Variants in PARD3 observed in about 807,000 individuals in gnomAD.
PARD3 encodes the protein partitioning defective 3 homolog.
Under a neutral mutation model 155.4 loss-of-function variants are expected in PARD3, and 75 were observed. The observed-to-expected ratio is 0.48, with a 90% CI of 0.40 to 0.58. PARD3 has a LOEUF of 0.58. Ranked by LOEUF, PARD3 falls within the 20% of genes least tolerant of loss-of-function variation. The probability of loss-of-function intolerance (pLI) is 0.00; values close to 1 mark genes in which losing one functional copy is unlikely to be tolerated. For missense variants in PARD3, 1,642 were observed against 1,721.7 expected (o/e 0.95, Z 0.82); for synonymous variants, 576 against 610.5 (o/e 0.94, Z 0.83).
Position 34,661,191 on chromosome 10 carries a change from A to T in PARD3, c.222+35127T>A, listed in dbSNP as rs192485926. 3.1e-3 allele frequency among the ~76,000 whole-genome samples: 465 copies of T among 152,246 alleles called. 3 individuals carry two copies. The highest frequency in any genetic ancestry group is 0.014 in the Middle Eastern group (4 of 294). On this transcript the variant is annotated intron_variant, in intron 2 of 24. Coordinates refer to ENST00000374788, the MANE Select transcript of PARD3 (RefSeq NM_001184785.2). ...AGCATCATGGGAATCTCAGTTTTTTAAAAAAGTCATTTTTAATTGAAGCTA... is the reference window on the plus strand; with the variant it reads ...AGCATCATGGGAATCTCAGTTTTTTTAAAAAGTCATTTTTAATTGAAGCTA...
rs368778036 is a variant in PARD3 at position 34,351,740 on chromosome 10, C to G, written c.2068-3625G>C. ...TTTTATTGTACACTACTTCCCAACG[C>G]AACTGGGATATAAAGTGCCTGAACA... On this transcript the variant is annotated intron_variant, in intron 14 of 24. Transcript: ENST00000374788. 1.8e-4 allele frequency among the ~76,000 whole-genome samples: 27 copies of G among 152,350 alleles called. No individual in the cohort carries two copies. The East Asian group carries it at 5.2e-3, about 29-fold the overall frequency.
chr10:34,112,551 A>G (rs751371064), intron 24 of PARD3, among the ~76,000 whole-genome samples: 6 of 152,218 alleles, frequency 3.9e-5, no homozygotes, highest in Admixed American at 6.5e-5. Context: ...ATTGAGTAAT[A>G]AAACAAAGTA....
chr10:34,623,816 C>T (rs1409628814), intron 2 of PARD3, among the ~76,000 whole-genome samples: 1 of 149,752 alleles, frequency 6.7e-6, no homozygotes, highest in Non-Finnish European at 1.5e-5. Context: ...CCTGACTCTA[C>T]TAAAAATACA....
chr10:34,292,294 T>C (rs1389386525), intron 20 of PARD3, among the ~76,000 whole-genome samples: 1 of 152,232 alleles, frequency 6.6e-6, no homozygotes, highest in Non-Finnish European at 1.5e-5. Context: ...AGAAAATAAG[T>C]CACTTCTAAT....
At chr10:34,327,521 C>T (rs143486081) in intron 19 of PARD3, among the ~76,000 whole-genome samples, 16 of 152,312 alleles carry the variant, frequency 1.1e-4, no homozygotes, top group African/African-American at 3.6e-4. Flanking sequence ...CTCGACCCAA[C>T]TGACAAAAGC....
chr10:34,768,936 G>A (rs576238656), intron 1 of PARD3, among the ~76,000 whole-genome samples: 42 of 152,278 alleles, frequency 2.8e-4, no homozygotes, highest in African/African-American at 8.4e-4. Context: ...CGTCACCCTC[G>A]GTGCCCAAAC....
intron 1 of PARD3, among the ~76,000 whole-genome samples, chr10:34,748,298 T>C (rs1835559661): frequency 6.6e-6 from 1 of 151,918 alleles, no homozygotes. Flanking sequence ...GGCAAAACCC[T>C]GTCTCTACTA....
intron 2 of PARD3, among the ~76,000 whole-genome samples, chr10:34,577,574 T>A (rs1438440567): frequency 6.6e-6 from 1 of 152,174 alleles, no homozygotes; most frequent in Non-Finnish European, 1.5e-5. Flanking sequence ...CGATAATGTG[T>A]CTCTGTTCAC....
chr10:34,283,638 G>T (rs1211661437), intron 21 of PARD3, among the ~76,000 whole-genome samples: 1 of 151,856 alleles, frequency 6.6e-6, no homozygotes. Context: ...TAAAATAGAA[G>T]GAGAATCAAG....
chr10:34,113,692 C>T (rs967190602), intron 24 of PARD3, among the ~76,000 whole-genome samples: 9 of 152,042 alleles, frequency 5.9e-5, no homozygotes, highest in Non-Finnish European at 1.0e-4. Context: ...TCCAGCTGGG[C>T]AAGGTGGGAG....
chr10:34,630,699 C>G (rs544643670), intron 2 of PARD3, among the ~76,000 whole-genome samples: 2 of 152,260 alleles, frequency 1.3e-5, no homozygotes, highest in South Asian at 4.1e-4. Context: ...CCACCTTGGC[C>G]TCCCAAAGTG....
chr10:34,467,950 A>G (rs2078113266), intron 4 of PARD3, among the ~76,000 whole-genome samples: 1 of 152,126 alleles, frequency 6.6e-6, no homozygotes, highest in Non-Finnish European at 1.5e-5. Flanking sequence ...ATTCAGTAGC[A>G]TGAGATTTTA....
intron 2 of PARD3, among the ~76,000 whole-genome samples, chr10:34,523,525 A>G (rs2082284116): frequency 6.6e-6 from 1 of 152,250 alleles, no homozygotes; most frequent in African/African-American, 2.4e-5. Flanking sequence ...AGATGCCTCC[A>G]TGACCCTCTC....
intron 22 of PARD3, among the ~76,000 whole-genome samples, chr10:34,219,902 G>A (rs534673099): frequency 1.3e-5 from 2 of 152,236 alleles, no homozygotes; most frequent in South Asian, 2.1e-4. Context: ...AAGGCTAGGC[G>A]ACCTCAAATG....
chr10:34,705,627 T>C (rs111599725), intron 1 of PARD3, among the ~76,000 whole-genome samples: 3,569 of 152,304 alleles, frequency 0.023, 153 homozygotes, highest in African/African-American at 0.082. Flanking sequence ...GACAGTCAGA[T>C]GTCATAGCTG....
chr10:34,815,032 G>C lies in PARD3; in HGVS notation c.-37C>G. 2 of 1,358,510 alleles carry C rather than the reference G, an allele frequency of 1.5e-6. No homozygotes were observed. The highest frequency in any genetic ancestry group is 1.9e-6 in the Non-Finnish European group (2 of 1,049,068). 84.2% of individuals were successfully genotyped at this position (1,358,510 alleles called of 1,614,324 possible). A position where few individuals can be genotyped will look rare whatever the true frequency, so the allele number is the denominator to read the frequency against. ...CGCGGGCGGGCCCGCGCCCCTCGCC[G>C]AGCGCAGCCGGAGCAGCCGAGGCCG... On this transcript the variant is annotated 5_prime_UTR_variant, in exon 1 of 25. Transcript: ENST00000374788.
intron 2 of PARD3, among the ~76,000 whole-genome samples, chr10:34,626,895 A>G (rs533349623): frequency 2.0e-5 from 3 of 152,344 alleles, no homozygotes; most frequent in Admixed American, 6.5e-5. Flanking sequence ...GCATAAGCCC[A>G]GGCGATCGTG....
chr10:34,518,988 T>A (rs150859437), intron 2 of PARD3, among the ~76,000 whole-genome samples: 1 of 152,192 alleles, frequency 6.6e-6, no homozygotes, highest in African/African-American at 2.4e-5. Flanking sequence ...GGGAAGTATA[T>A]AACATTACTT....
Position 34,123,294 on chromosome 10 carries a change from A to ATT in PARD3, c.3541-3556_3541-3555dup, listed in dbSNP as rs11409737. On this transcript the variant is annotated intron_variant, in intron 23 of 24. Coordinates refer to ENST00000374788, the MANE Select transcript of PARD3 (RefSeq NM_001184785.2). ...TTAAAACCACAAGTGAAAAATATGT[A>ATT]TTTTTTTTTGTAAGTGGACTACAAA... Among the ~76,000 whole-genome samples the ATT allele has an allele frequency of 5.0e-3, 760 of 151,594 alleles. 6 individuals are homozygous for ATT. The highest frequency in any genetic ancestry group is 0.017 in the African/African-American group (703 of 41,312).
Sources: allele counts gnomAD v4.1 joint callset (sites outside exome capture counted in the v4.1 genomes callset), GRCh38; gene constraint gnomAD v4.1.1; transcripts MANE v1.5; gene names NCBI Gene and HGNC (gene_info 2026-07-23, HGNC 2026-07-21).